The following DGKB variants were observed in gnomAD, a reference collection of about 807,000 sequenced individuals.
The protein encoded by DGKB is diacylglycerol kinase beta.
DGKB carries 67 observed loss-of-function variants against 114.3 expected under a neutral mutation model. The observed-to-expected ratio is 0.59, with a 90% CI of 0.48 to 0.72. DGKB has a LOEUF of 0.72. Among genes scored for constraint, DGKB ranks in the 30% least tolerant of loss-of-function variants. The pLI is 0.00. For synonymous variants in DGKB, 398 were observed against 323.1 expected (o/e 1.23, Z -2.49); for missense variants, 907 against 975.2 (o/e 0.93, Z 0.93).
intron 23 of DGKB, among the ~76,000 whole-genome samples, chr7:14,279,907 G>GA (rs970470168): frequency 6.6e-6 from 1 of 150,892 alleles, no homozygotes; most frequent in Admixed American, 6.6e-5. Flanking sequence ...CAAAGATGGG[G>GA]AAAAAAACAG....
At chr7:14,304,046 A>AACACACACACACACACACACAC (rs773102280) in intron 23 of DGKB, among the ~76,000 whole-genome samples, 1 of 112,674 alleles carries the variant, frequency 8.9e-6, no homozygotes, top group African/African-American at 3.5e-5. Context: ...GTTCTTATAG[A>AACACACACACACACACACACAC]ACACACACAC....
intron 21 of DGKB, among the ~76,000 whole-genome samples, chr7:14,357,862 G>T (rs1583386857): frequency 6.6e-6 from 1 of 152,092 alleles, no homozygotes; most frequent in African/African-American, 2.4e-5. Flanking sequence ...ATGAAGCTTA[G>T]TTTGGCTGGA....
intron 23 of DGKB, among the ~76,000 whole-genome samples, chr7:14,247,471 G>A (rs1794652106): frequency 1.3e-5 from 2 of 152,052 alleles, no homozygotes; most frequent in South Asian, 4.1e-4. Flanking sequence ...CCCAGGAGCA[G>A]GGTACAAGTG....
chr7:14,336,558 A>G (rs965455098), intron 23 of DGKB, among the ~76,000 whole-genome samples: 1 of 152,120 alleles, frequency 6.6e-6, no homozygotes. Context: ...CCACTTCCTC[A>G]TTTCCCAGAA....
At position 14,853,909 on chromosome 7, in the gene DGKB, T is replaced by A. The variant is rs930236906; in HGVS notation, c.-187-12459A>T. ...AAAAAAAAAATTTATCATAAAATGG[T>A]AATTGGTAGAAACCTCACATGACAT... On this transcript the variant is annotated intron_variant, in intron 1 of 25. Coordinates refer to ENST00000402815, the MANE Select transcript of DGKB (RefSeq NM_001350709.2). Among the ~76,000 whole-genome samples the A allele has an allele frequency of 4.0e-5, 6 of 149,414 alleles. No individual in the cohort carries two copies. In the South Asian group the frequency reaches 1.3e-3, roughly 32 times the overall value.
chr7:14,708,583 A>G (rs1412906776), intron 6 of DGKB, among the ~76,000 whole-genome samples: 1 of 151,450 alleles, frequency 6.6e-6, no homozygotes, highest in Non-Finnish European at 1.5e-5. Flanking sequence ...GGCTACAGTA[A>G]CCAAAACAGC....
intron 23 of DGKB, among the ~76,000 whole-genome samples, chr7:14,246,359 G>A (rs962680393): frequency 2.0e-5 from 3 of 152,128 alleles, no homozygotes; most frequent in African/African-American, 7.2e-5. Context: ...GAATAGAAAT[G>A]TTAAGTACTT....
At chr7:14,265,236 G>C (rs1307007675) in intron 23 of DGKB, among the ~76,000 whole-genome samples, 1 of 150,500 alleles carries the variant, frequency 6.6e-6, no homozygotes, top group East Asian at 2.0e-4. Flanking sequence ...AGGGCTTCAG[G>C]GTTTGGCTCG....
At chr7:14,914,010 C>G (rs537880832) in intron 1 of DGKB, among the ~76,000 whole-genome samples, 15 of 152,186 alleles carry the variant, frequency 9.9e-5, no homozygotes, top group African/African-American at 3.4e-4. Context: ...ACTAGGTTCT[C>G]ATGGTGAAGA....
chr7:14,240,527 CT>C (rs1793481536), intron 23 of DGKB, among the ~76,000 whole-genome samples: 1 of 152,068 alleles, frequency 6.6e-6, no homozygotes, highest in Non-Finnish European at 1.5e-5. Context: ...ATTATCAGAG[CT>C]GTCCCTGTGA....
intron 21 of DGKB, among the ~76,000 whole-genome samples, chr7:14,377,335 TATC>T (rs2128669921): frequency 6.6e-6 from 1 of 152,316 alleles, no homozygotes; most frequent in East Asian, 1.9e-4. Flanking sequence ...CTCAATGTCA[TATC>T]TATTATAATG....
intron 20 of DGKB, among the ~76,000 whole-genome samples, chr7:14,544,350 A>G (rs1349726387): frequency 6.6e-6 from 1 of 152,210 alleles, no homozygotes. Flanking sequence ...CTTAGTAGAA[A>G]AGTAGTGGTT....
intron 5 of DGKB, among the ~76,000 whole-genome samples, chr7:14,720,737 T>C (rs922819306): frequency 6.6e-6 from 1 of 151,976 alleles, no homozygotes; most frequent in Non-Finnish European, 1.5e-5. Context: ...AACAGAGACA[T>C]ATATTGTAAA....
chr7:14,545,646 C>T (rs1003470999), intron 20 of DGKB, among the ~76,000 whole-genome samples: 11 of 152,176 alleles, frequency 7.2e-5, no homozygotes, highest in African/African-American at 2.7e-4. Context: ...ACTTGGAATC[C>T]TCACAATAGC....
intron 1 of DGKB, among the ~76,000 whole-genome samples, chr7:14,911,099 A>G (rs1413127705): frequency 6.6e-6 from 1 of 152,096 alleles, no homozygotes; most frequent in Non-Finnish European, 1.5e-5. Context: ...TATTGACCTT[A>G]CAATGTATAC....
At chr7:14,286,831 G>A (rs771633366) in intron 23 of DGKB, among the ~76,000 whole-genome samples, 1 of 151,968 alleles carries the variant, frequency 6.6e-6, no homozygotes, top group Non-Finnish European at 1.5e-5. Flanking sequence ...TAAAATATGT[G>A]CCAACAACCT....
intron 20 of DGKB, among the ~76,000 whole-genome samples, chr7:14,559,738 T>A (rs1796376210): frequency 6.6e-6 from 1 of 152,204 alleles, no homozygotes; most frequent in Non-Finnish European, 1.5e-5. Context: ...GTCAAAGCCT[T>A]GGATCTCAAA....
chr7:14,881,498 A>G (rs897655733), intron 1 of DGKB, among the ~76,000 whole-genome samples: 5 of 152,174 alleles, frequency 3.3e-5, no homozygotes, highest in Non-Finnish European at 7.4e-5. Context: ...CCAAAAGAAC[A>G]TTCTTGCCAT....
intron 25 of DGKB, among the ~76,000 whole-genome samples, chr7:14,150,228 A>G (rs190422689): frequency 7.9e-5 from 12 of 152,266 alleles, no homozygotes; most frequent in Admixed American, 3.3e-4. Flanking sequence ...CGCTTATTAA[A>G]TATCAGTTGT....
Sources: allele counts gnomAD v4.1 joint callset (sites outside exome capture counted in the v4.1 genomes callset), GRCh38; gene constraint gnomAD v4.1.1; transcripts MANE v1.5; gene names NCBI Gene and HGNC (gene_info 2026-07-23, HGNC 2026-07-21).